Variants in LRTM3 observed in about 807,000 individuals in gnomAD.
LRTM3 encodes leucine rich repeat transmembrane protein 3, also known as leucine-rich repeat transmembrane protein 3.
chr13:102,758,410 C>A, the LRTM3 span: 5 of 1,528,330 alleles, frequency 3.3e-6, no homozygotes, highest in South Asian at 6.1e-5. Context: ...TATCACATAC[C>A]TTTCTCCTGA....
the LRTM3 span, chr13:102,747,996 A>G: frequency 1.3e-6 from 2 of 1,551,018 alleles, no homozygotes; most frequent in Non-Finnish European, 1.7e-6. Flanking sequence ...GGCTTTTTAA[A>G]TGTACAGCTC....
chr13:102,756,673 T>A, the LRTM3 span, among the ~76,000 whole-genome samples: 3 of 67,024 alleles, frequency 4.5e-5, no homozygotes, highest in Admixed American at 2.1e-4. Context: ...AAACTCTGTC[T>A]AAAAAAAAAA....
the LRTM3 span, chr13:102,737,046 TTA>T: frequency 6.4e-7 from 1 of 1,551,118 alleles, no homozygotes. Flanking sequence ...AATTTTTCTT[TTA>T]TGTTTGTTAG....
At chr13:102,743,808 A>C in the LRTM3 span, 3 of 1,550,300 alleles carry the variant, frequency 1.9e-6, no homozygotes, top group Non-Finnish European at 2.6e-6. Flanking sequence ...TTCATAGTTA[A>C]ACATTTGGCA....
chr13:102,746,635 T>G, the LRTM3 span: 1 of 1,551,250 alleles, frequency 6.4e-7, no homozygotes, highest in Non-Finnish European at 8.7e-7. Context: ...TGAGTGCAAA[T>G]GTTACTCTCT....
chr13:102,739,539 T>G, the LRTM3 span: 1 of 1,550,366 alleles, frequency 6.5e-7, no homozygotes, highest in East Asian at 2.4e-5. Context: ...TTTGTCAGTT[T>G]CATACTTGAT....
At chr13:102,748,938 T>G in the LRTM3 span, 1 of 1,550,662 alleles carries the variant, frequency 6.4e-7, no homozygotes, top group Non-Finnish European at 8.7e-7. Flanking sequence ...TAATTGATTT[T>G]CTCTGTATCT....
At chr13:102,743,187 C>T in the LRTM3 span, 1 of 1,550,608 alleles carries the variant, frequency 6.4e-7, no homozygotes, top group Non-Finnish European at 8.7e-7. Context: ...AGTTTTGCTC[C>T]CTTTACCAAG....
chr13:102,737,452 C>A, the LRTM3 span: 2 of 1,550,746 alleles, frequency 1.3e-6, no homozygotes, highest in Non-Finnish European at 8.7e-7. Context: ...TTTTCTCTTG[C>A]TCTGTGCCTA....
At chr13:102,731,819 C>T in the LRTM3 span, 2 of 1,549,446 alleles carry the variant, frequency 1.3e-6, no homozygotes, top group Middle Eastern at 1.7e-4. Flanking sequence ...ACTCTGATCC[C>T]TTTGCTTGGG....
chr13:102,738,873 G>T, the LRTM3 span: 1 of 1,550,642 alleles, frequency 6.4e-7, no homozygotes, highest in South Asian at 1.2e-5. Flanking sequence ...ATTGAAGGCT[G>T]CTTCACCTCC....
the LRTM3 span, chr13:102,746,057 T>C: frequency 6.4e-7 from 1 of 1,551,156 alleles, no homozygotes; most frequent in South Asian, 1.2e-5. Context: ...TTTTATGTCA[T>C]TTTCTGTTTC....
chr13:102,731,373 T>C, the LRTM3 span: 9 of 1,551,374 alleles, frequency 5.8e-6, no homozygotes, highest in African/African-American at 6.8e-5. Flanking sequence ...AAGTTGAACA[T>C]TTGTAAAGAT....
chr13:102,753,379 TG>T, the LRTM3 span, among the ~76,000 whole-genome samples: 403 of 151,792 alleles, frequency 2.7e-3, 2 homozygotes, highest in African/African-American at 9.0e-3. Context: ...TAAAGCATGC[TG>T]GGCTTAAAAC....
the LRTM3 span, chr13:102,743,841 A>T: frequency 3.9e-6 from 6 of 1,550,326 alleles, no homozygotes; most frequent in Non-Finnish European, 5.2e-6. Context: ...TCTTTTTCTG[A>T]TAACTGTGCT....
chr13:102,748,044 C>G, the LRTM3 span: 3 of 1,550,962 alleles, frequency 1.9e-6, no homozygotes, highest in Non-Finnish European at 2.6e-6. Flanking sequence ...TCCTTCTCAT[C>G]TGGTAATTTC....
the LRTM3 span, chr13:102,745,917 C>CTGGTTGGT: frequency 4.6e-5 from 72 of 1,550,972 alleles, no homozygotes; most frequent in Non-Finnish European, 6.2e-5. Flanking sequence ...TTTGTACTTC[C>CTGGTTGGT]TGGTTGGTTC....
the LRTM3 span, chr13:102,733,461 C>G: frequency 6.4e-7 from 1 of 1,551,310 alleles, no homozygotes; most frequent in Non-Finnish European, 8.7e-7. Context: ...GCAGGGGTGC[C>G]AAGTGTGACA....
the LRTM3 span, chr13:102,738,767 G>T: frequency 2.6e-5 from 41 of 1,550,384 alleles, no homozygotes; most frequent in Middle Eastern, 1.7e-4. Flanking sequence ...AGGTAGAAAA[G>T]AGATGGAAGC....
Sources: gnomAD v4.1 joint callset for allele counts (sites outside exome capture counted in the v4.1 genomes callset) on GRCh38, gnomAD v4.1.1 for gene constraint, MANE v1.5 for transcripts, NCBI Gene and HGNC (gene_info 2026-07-23, HGNC 2026-07-21) for gene names.